Variants in LMX1A observed in about 807,000 individuals in gnomAD.
LMX1A encodes LIM homeobox transcription factor 1 alpha, also known as LIM homeobox transcription factor 1-alpha.
Under a neutral mutation model 49.1 loss-of-function variants are expected in LMX1A, and 15 were observed. The observed-to-expected ratio is 0.31, with a 90% confidence interval of 0.20 to 0.47. The LOEUF (loss-of-function observed/expected upper bound fraction) is 0.47. LMX1A is among the 20% of genes least tolerant of loss of function. The pLI, the probability that LMX1A is intolerant of heterozygous loss-of-function variation, is 1.00. For missense variants in LMX1A, 372 were observed against 475.8 expected, an observed-to-expected ratio of 0.78 and a Z score of 2.03; for synonymous variants, 167 against 185.7, an observed-to-expected ratio of 0.90 and a Z score of 0.82.
chr1:165,227,752 A>G (rs968640543), intron 4 of LMX1A, among the ~76,000 whole-genome samples: 1 of 152,190 alleles, frequency 6.6e-6, no homozygotes, highest in African/African-American at 2.4e-5. Context: ...AATATTTTTC[A>G]TCACAGCTAA....
intron 4 of LMX1A, among the ~76,000 whole-genome samples, chr1:165,236,292 G>C (rs1273785076): frequency 6.6e-6 from 1 of 152,068 alleles, no homozygotes; most frequent in Non-Finnish European, 1.5e-5. Context: ...CTGGGAACAC[G>C]GGTGTCTTGG....
intron 3 of LMX1A, among the ~76,000 whole-genome samples, chr1:165,352,648 G>A (rs990448843): frequency 6.6e-6 from 1 of 152,202 alleles, no homozygotes; most frequent in African/African-American, 2.4e-5. Context: ...ACGCTGGCGC[G>A]GACACCTGGG....
At position 165,249,398 on chromosome 1, in the gene LMX1A, T is replaced by C. The variant is rs1168922071; in HGVS notation, c.496+10A>G. 2 of 1,601,056 alleles carry C rather than the reference T, an allele frequency of 1.2e-6. No individual in the cohort carries two copies. The highest frequency in any genetic ancestry group is 2.7e-5 in the African/African-American group (2 of 74,656). On this transcript the variant is annotated intron_variant, in intron 4 of 8. Transcript: ENST00000342310. ...CCCCACCGCAGCCCTGCCCACCACC[T>C]GGCACTCACCTGAGTCTGAGGCTGC...
chr1:165,205,271 T>G (rs1037430319), intron 8 of LMX1A, among the ~76,000 whole-genome samples: 2 of 152,088 alleles, frequency 1.3e-5, no homozygotes, highest in Non-Finnish European at 2.9e-5. Context: ...AGGCCCCCGG[T>G]TGTTGTCCAT....
intron 3 of LMX1A, among the ~76,000 whole-genome samples, chr1:165,264,591 G>A (rs1653555903): frequency 6.6e-6 from 1 of 152,186 alleles, no homozygotes; most frequent in Non-Finnish European, 1.5e-5. Context: ...CACGACCTTT[G>A]AGGGATGTCT....
chr1:165,343,908 CT>C (rs538877087), intron 3 of LMX1A, among the ~76,000 whole-genome samples: 2 of 152,196 alleles, frequency 1.3e-5, no homozygotes, highest in Non-Finnish European at 2.9e-5. Flanking sequence ...TAAAAAGTAT[CT>C]TCAGAAGAAT....
intron 3 of LMX1A, among the ~76,000 whole-genome samples, chr1:165,336,366 A>G (rs1321862746): frequency 6.6e-6 from 1 of 152,156 alleles, no homozygotes; most frequent in Non-Finnish European, 1.5e-5. Context: ...TTGAAGATCT[A>G]CTCAAATCTA....
chr1:165,296,770 G>A (rs1348843562), intron 3 of LMX1A, among the ~76,000 whole-genome samples: 4 of 152,220 alleles, frequency 2.6e-5, no homozygotes, highest in Non-Finnish European at 4.4e-5. Context: ...TTCCTGAACT[G>A]GCTAATGTTG....
intron 3 of LMX1A, among the ~76,000 whole-genome samples, chr1:165,285,313 T>C (rs771425332): frequency 1.1e-4 from 16 of 152,004 alleles, no homozygotes; most frequent in Non-Finnish European, 1.8e-4. Context: ...GTAGGATGAG[T>C]TTCAGCTATA....
chr1:165,205,979 C>T lies in LMX1A; in HGVS notation c.873G>A (p.Thr291=), dbSNP rs200784612. The change falls in exon 8 of 9, where the codon ACG becomes ACA. Residue 291 remains threonine (T), a synonymous_variant. Coordinates refer to ENST00000342310, the MANE Select transcript of LMX1A (RefSeq NM_177398.4). ...AGMEGIMNPY[T]ALPTPQQLLA... ...GGAGCTGCTGTGGGGTGGGCAGAGC[C>T]GTGTAGGGGTTCATGATTCCTTCCA... 1.2e-5 allele frequency: 19 copies of T among 1,606,612 alleles called. No individual in the cohort carries two copies. The highest frequency in any genetic ancestry group is 2.2e-5 in the East Asian group (1 of 44,574).
At chr1:165,212,022 CTG>C (rs1450914128) in intron 5 of LMX1A, among the ~76,000 whole-genome samples, 1 of 152,198 alleles carries the variant, frequency 6.6e-6, no homozygotes, top group Non-Finnish European at 1.5e-5. Context: ...GTGAGGAAGA[CTG>C]TAATTTGTCC....
chr1:165,335,225 G>A lies in LMX1A; in HGVS notation c.263+17851C>T, dbSNP rs547691289. ...CAGTTTTGCATGGTACCTTCAAAAT[G>A]AATCTTAAAAGAGTTGAGAGAAACT... is the stretch of plus-strand genomic sequence containing the variant. On this transcript the variant is annotated intron_variant, in intron 3 of 8. Coordinates refer to ENST00000342310, the MANE Select transcript of LMX1A (RefSeq NM_177398.4). 1.3e-5 allele frequency among the ~76,000 whole-genome samples: 2 copies of A among 152,018 alleles called. 1 individual carries two copies. Among genetic ancestry groups the A allele is most frequent in the South Asian group, 4.2e-4 (2 of 4,812 alleles).
intron 3 of LMX1A, among the ~76,000 whole-genome samples, chr1:165,330,787 C>G (rs969223892): frequency 3.9e-5 from 6 of 152,066 alleles, no homozygotes; most frequent in Non-Finnish European, 7.4e-5. Context: ...AACACAGCAG[C>G]TAGAAAGTGA....
At chr1:165,293,368 G>A (rs999667277) in intron 3 of LMX1A, among the ~76,000 whole-genome samples, 2 of 152,186 alleles carry the variant, frequency 1.3e-5, no homozygotes, top group Non-Finnish European at 2.9e-5. Flanking sequence ...ATAACCATCT[G>A]AACCAGGTAG....
chr1:165,205,553 T>C (rs77557846), intron 8 of LMX1A, among the ~76,000 whole-genome samples: 14,621 of 152,274 alleles, frequency 0.096, 765 homozygotes, highest in South Asian at 0.15. Flanking sequence ...ATACTGCTGA[T>C]CTCTGGCATG....
At chr1:165,213,921 G>A (rs1203456094) in intron 4 of LMX1A, 108 bp from the exon 5 acceptor site, 2 of 921,608 alleles carry the variant, frequency 2.2e-6, no homozygotes, top group Non-Finnish European at 3.4e-6. Flanking sequence ...ATGGCTTTAT[G>A]TATGAGAGCA....
At chr1:165,214,537 T>G (rs77685957) in intron 4 of LMX1A, among the ~76,000 whole-genome samples, 1 of 152,390 alleles carries the variant, frequency 6.6e-6, no homozygotes, top group African/African-American at 2.4e-5. Context: ...GAGGATTAAA[T>G]GAGTTTATAC....
intron 3 of LMX1A, among the ~76,000 whole-genome samples, chr1:165,289,899 G>A (rs1418899341): frequency 2.0e-5 from 3 of 152,180 alleles, no homozygotes; most frequent in East Asian, 3.8e-4. Flanking sequence ...GACATAGCTC[G>A]GTCTAGGCAG....
At chr1:165,344,648 C>T (rs1205732045) in intron 3 of LMX1A, among the ~76,000 whole-genome samples, 11 of 152,280 alleles carry the variant, frequency 7.2e-5, no homozygotes, top group East Asian at 1.9e-4. Context: ...CTGGGGGATG[C>T]GCAGAAACTA....
Sources: allele counts gnomAD v4.1 joint callset (sites outside exome capture counted in the v4.1 genomes callset), GRCh38; gene constraint gnomAD v4.1.1; transcripts MANE v1.5; gene names NCBI Gene and HGNC (gene_info 2026-07-23, HGNC 2026-07-21).